The following UNC45A variants were observed in gnomAD, a reference collection of about 807,000 sequenced individuals.
UNC45A encodes the protein protein unc-45 homolog A.
Under a neutral mutation model 103.2 loss-of-function variants are expected in UNC45A, and 78 were observed. That is an observed-to-expected ratio of 0.76 (90% confidence interval 0.63 to 0.91). The LOEUF (loss-of-function observed/expected upper bound fraction) is 0.91, where lower values mean the gene tolerates loss of function less well. Among genes scored for constraint, UNC45A ranks in the 40% least tolerant of loss-of-function variants. The pLI, the probability that UNC45A is intolerant of heterozygous loss-of-function variation, is 0.00. For missense variants in UNC45A, 1,193 were observed against 1,224.8 expected (o/e 0.97, Z 0.39); for synonymous variants, 495 against 504.6 (o/e 0.98, Z 0.25).
At chr15:90,934,809 G>A (rs1464918712), upstream of UNC45A, 1 of 408,428 alleles carries the variant, frequency 2.4e-6, no homozygotes, top group African/African-American at 2.1e-5. Context: ...GCAAATGTGT[G>A]TATGTAAGAC....
At chr15:90,942,823 C>T in intron 7 of UNC45A, 89 bp from the exon 8 acceptor site, 1 of 1,525,094 alleles carries the variant, frequency 6.6e-7, no homozygotes, top group Non-Finnish European at 8.8e-7. Context: ...CCCCCCTTCC[C>T]TGTGTCTCCC....
Position 90,949,554 on chromosome 15 carries a change from G to GGGCTGCCTGCGT in UNC45A, c.2007-92_2007-81dup, listed in dbSNP as rs2036775231. The stretch of plus-strand genomic sequence containing the variant: ...TGCTGTGGGCCTCTTAGAGCGACGG[G>GGGCTGCCTGCGT]GGCTGCCTGCGTGGCTGCCGTCTTT... On this transcript the variant is annotated intron_variant, in intron 14 of 19. Transcript: ENST00000418476. The GGGCTGCCTGCGT allele has an allele frequency of 3.8e-6, 6 of 1,599,632 alleles. No homozygotes were observed. In the South Asian group the frequency reaches 6.6e-5, roughly 18 times the overall value.
rs886247854 is a variant in UNC45A, at chr15:90,948,182, T to G, written c.1636T>G (p.Trp546Gly). ...CCAGATCGACGCAGGCACTCGGCGC[T>G]GGGCAGTGGAGGGCCTGGCTTACCT... Reference protein sequence around the residue: ...NDQIDAGTRRWAVEGLAYLTF... With the variant: ...NDQIDAGTRRGAVEGLAYLTF... The change falls in exon 12 of 20, where the codon TGG becomes GGG. Residue 546 changes from tryptophan (W) to glycine (G), a missense_variant. Transcript: ENST00000418476. 3.1e-6 allele frequency: 5 copies of G among 1,614,048 alleles called. No individual in the cohort carries two copies. In the Admixed American group the frequency reaches 6.7e-5, roughly 22 times the overall value.
chr15:90,953,774 T>A lies in UNC45A; in HGVS notation c.*58T>A. Reference sequence around the variant, plus strand: ...ACGCTACCTATTGTGGCACGGAGAGTAAGGACGGAAGCAGCTTTGGCTGGT... The same window carrying A: ...ACGCTACCTATTGTGGCACGGAGAGAAAGGACGGAAGCAGCTTTGGCTGGT... On this transcript the variant is annotated 3_prime_UTR_variant, in exon 20 of 20. Transcript: ENST00000418476. 1 of 1,575,832 alleles carries A rather than the reference T, an allele frequency of 6.3e-7. No homozygotes were observed. The highest frequency in any genetic ancestry group is 8.6e-7 in the Non-Finnish European group (1 of 1,158,252).
At chr15:90,936,019 G>C (rs1425487628) in intron 3 of UNC45A, 37 bp downstream of exon 3, 3 of 1,612,632 alleles carry the variant, frequency 1.9e-6, no homozygotes, top group Non-Finnish European at 2.5e-6. Flanking sequence ...GAGCTGTAGG[G>C]CTTCTGTGGT....
At position 90,950,616 on chromosome 15, in the gene UNC45A, GT is replaced by G; in HGVS notation, c.2303+2del. On this transcript the variant is annotated splice_donor_variant, in intron 17 of 19. Coordinates refer to ENST00000418476, the MANE Select transcript of UNC45A (RefSeq NM_018671.5). LOFTEE classifies it high-confidence loss of function. ...TGGCTGGGATCAGCGAGAGGCTCCG[GT>G]AAGGTCCCTTGGGATTGCGGGGCCT... 4 of 1,613,980 alleles carry G rather than the reference GT, an allele frequency of 2.5e-6. No homozygotes were observed. Among genetic ancestry groups the G allele is most frequent in the Non-Finnish European group, 3.4e-6 (4 of 1,179,956 alleles).
intron 9 of UNC45A, among the ~76,000 whole-genome samples, chr15:90,945,935 A>C (rs2036544377): frequency 6.7e-6 from 1 of 148,458 alleles, no homozygotes; most frequent in Non-Finnish European, 1.5e-5. Flanking sequence ...GACCGCGTCC[A>C]GGCGACAGTC....
At chr15:90,932,510 C>T (rs752086762), upstream of UNC45A, 43 of 1,302,358 alleles carry the variant, frequency 3.3e-5, no homozygotes, top group Non-Finnish European at 4.1e-5. Flanking sequence ...AAGTCGGCAG[C>T]CTCCAGCAGC....
In UNC45A at chr15:90,953,061, G is replaced by A; in HGVS notation, c.2421+15G>A. ...TGAGCAAGGAGGTGAGGGTTGGTCTGGGTGCTCATGACAGGCGGGGATGCA... is the reference window on the plus strand; with the variant it reads ...TGAGCAAGGAGGTGAGGGTTGGTCTAGGTGCTCATGACAGGCGGGGATGCA... On this transcript the variant is annotated intron_variant, in intron 18 of 19. Coordinates refer to ENST00000418476, the MANE Select transcript of UNC45A (RefSeq NM_018671.5). 6.2e-7 allele frequency: 1 copy of A among 1,613,508 alleles called. No homozygotes were observed. Among genetic ancestry groups the A allele is most frequent in the Non-Finnish European group, 8.5e-7 (1 of 1,180,000 alleles).
intron 9 of UNC45A, among the ~76,000 whole-genome samples, chr15:90,945,560 C>T (rs1024447893): frequency 1.3e-5 from 2 of 151,888 alleles, no homozygotes; most frequent in Non-Finnish European, 2.9e-5. Flanking sequence ...GGGGTTTCTC[C>T]ATATTGGTCA....
At chr15:90,940,124 G>C (rs1198673593) in intron 5 of UNC45A, among the ~76,000 whole-genome samples, 182 bp from the exon 6 acceptor site, 1 of 152,174 alleles carries the variant, frequency 6.6e-6, no homozygotes. Flanking sequence ...CATCAATCCC[G>C]AGAGAAGGCT....
rs1057005876 is a variant in UNC45A at position 90,950,228 on chromosome 15, C to G, written c.2148C>G (p.Thr716=). 31 of 1,551,634 alleles carry G rather than the reference C, an allele frequency of 2.0e-5. No individual in the cohort carries two copies. Among genetic ancestry groups the G allele is most frequent in the Non-Finnish European group, 2.7e-5 (31 of 1,147,014 alleles). ...TKAAQALAKL[T]ITSNPEMTFP... is the part of the protein sequence containing the mutation. ...CAGCCCAGGCCCTTGCCAAGCTCACCATCACCTCCAACCCGGAGATGACCT... is the reference window on the plus strand; with the variant it reads ...CAGCCCAGGCCCTTGCCAAGCTCACGATCACCTCCAACCCGGAGATGACCT... The change falls in exon 16 of 20, where the codon ACC becomes ACG. Residue 716 remains threonine (T), a synonymous_variant. Transcript: ENST00000418476.
chr15:90,948,603 A>C, intron 12 of UNC45A, 51 bp from the exon 13 acceptor site: 2 of 1,598,628 alleles, frequency 1.3e-6, no homozygotes, highest in South Asian at 1.1e-5. Flanking sequence ...CATTTATCTG[A>C]GTACTGCTCT....
chr15:90,945,602 C>T (rs534365928), intron 9 of UNC45A, among the ~76,000 whole-genome samples: 8 of 151,142 alleles, frequency 5.3e-5, no homozygotes, highest in African/African-American at 1.7e-4. Flanking sequence ...CTCAGGTGAT[C>T]CGCCTGCCTT....
chr15:90,946,934 G>A lies in UNC45A; in HGVS notation c.1500+20G>A. ...CTAGTGGTGAGACGGTGGGCCTGGG[G>A]TGGGTGGGCAGGCAGCCAGGCAGGG... On this transcript the variant is annotated intron_variant, in intron 10 of 19. Transcript: ENST00000418476. 6.4e-7 allele frequency: 1 copy of A among 1,565,310 alleles called. No homozygotes were observed. Among genetic ancestry groups the A allele is most frequent in the Non-Finnish European group, 8.7e-7 (1 of 1,145,846 alleles).
At chr15:90,947,137 C>T in intron 10 of UNC45A, 4 of 566,072 alleles carry the variant, frequency 7.1e-6, no homozygotes, top group Non-Finnish European at 9.4e-6. Context: ...TGTGGTGAGT[C>T]ACGCATGTCA....
At position 90,940,306 on chromosome 15, in the gene UNC45A, G is replaced by C; in HGVS notation, c.520G>C (p.Ala174Pro). Residue 174 changes from alanine to proline, a missense_variant and splice_region_variant, in exon 6 of 20, where the codon GCT becomes CCT. Physicochemically the swap from Ala to Pro is conservative, Grantham distance 27. Transcript: ENST00000418476. The stretch of plus-strand genomic sequence containing the variant: ...TTATAATGTGCTTCCTTTGACGCAG[G>C]CTTCTCAGAACCTGGTGGTGCTGGC... ...EEKGTEKKQK[A>P]SQNLVVLARE... 2 of 1,612,390 alleles carry C rather than the reference G, an allele frequency of 1.2e-6. No individual in the cohort carries two copies. Among genetic ancestry groups the C allele is most frequent in the Non-Finnish European group, 1.7e-6 (2 of 1,179,030 alleles).
In UNC45A at chr15:90,946,934, G is replaced by GGGGC; in HGVS notation, c.1500+20_1500+21insGGGC. On this transcript the variant is annotated intron_variant, in intron 10 of 19. Coordinates refer to ENST00000418476, the MANE Select transcript of UNC45A (RefSeq NM_018671.5). ...CTAGTGGTGAGACGGTGGGCCTGGG[G>GGGGC]TGGGTGGGCAGGCAGCCAGGCAGGG... The GGGGC allele has an allele frequency of 6.4e-7, 1 of 1,565,310 alleles. No individual in the cohort carries two copies. The highest frequency in any genetic ancestry group is 8.7e-7 in the Non-Finnish European group (1 of 1,145,846).
rs1347811130 is a variant in UNC45A, at chr15:90,950,237, C to T, written c.2157C>T (p.Ser719=). The change falls in exon 16 of 20, where the codon TCC becomes TCT. Residue 719 remains serine, a synonymous_variant. Transcript: ENST00000418476. ...CCCTTGCCAAGCTCACCATCACCTC[C>T]AACCCGGAGATGACCTTCCCTGGCG... ...AQALAKLTIT[S]NPEMTFPGER... 3 of 1,551,762 alleles carry T rather than the reference C, an allele frequency of 1.9e-6. No individual in the cohort carries two copies. The highest frequency in any genetic ancestry group is 2.6e-6 in the Non-Finnish European group (3 of 1,147,004).
Sources: allele counts gnomAD v4.1 joint callset (sites outside exome capture counted in the v4.1 genomes callset), GRCh38; gene constraint gnomAD v4.1.1; transcripts MANE v1.5; gene names NCBI Gene and HGNC (gene_info 2026-07-23, HGNC 2026-07-21).